SEMA3E: variants seen among roughly 807,000 people sequenced by gnomAD.
The protein encoded by SEMA3E is semaphorin-3E.
Under a neutral mutation model 93.6 loss-of-function variants are expected in SEMA3E, and 49 were observed. The ratio of observed to expected loss-of-function variants is 0.52; its 90% confidence interval spans 0.42 to 0.66. SEMA3E has a LOEUF of 0.66. SEMA3E is among the 30% of genes least tolerant of loss of function. SEMA3E has a pLI of 0.00. For synonymous variants in SEMA3E, 363 were observed against 330.7 expected (o/e 1.10, Z -1.06); for missense variants, 906 against 964.8 (o/e 0.94, Z 0.81).
At chr7:83,450,653 C>G (rs1338997163) in intron 4 of SEMA3E, among the ~76,000 whole-genome samples, 8 of 151,830 alleles carry the variant, frequency 5.3e-5, no homozygotes, top group Admixed American at 4.6e-4. Context: ...ATTTATTGAT[C>G]TAGATGCTGC....
chr7:83,408,374 A>G lies in SEMA3E; in HGVS notation c.664T>C (p.Leu222=). 1 of 1,613,762 alleles carries G rather than the reference A, an allele frequency of 6.2e-7. No individual in the cohort carries two copies. The highest frequency in any genetic ancestry group is 8.5e-7 in the Non-Finnish European group (1 of 1,179,818). Residue 222 remains leucine, a synonymous_variant, in exon 6 of 17, where the codon TTG becomes CTG. Coordinates refer to ENST00000643230, the MANE Select transcript of SEMA3E (RefSeq NM_012431.3). ...IRTEHDDERL[L]KEPKFVGSYM... ...CTCTTTTCCTCATCCTTACCTTTCA[A>G]CAGACGCTCATCGTCATGCTCAGTG...
At chr7:83,412,442 G>C (rs1788454882) in intron 5 of SEMA3E, among the ~76,000 whole-genome samples, 1 of 151,984 alleles carries the variant, frequency 6.6e-6, no homozygotes, top group African/African-American at 2.4e-5. Flanking sequence ...GTTATGAAAG[G>C]CTGTGAAGTG....
intron 2 of SEMA3E, among the ~76,000 whole-genome samples, chr7:83,475,100 T>C (rs1197756377): frequency 6.6e-6 from 1 of 151,808 alleles, no homozygotes; most frequent in African/African-American, 2.4e-5. Context: ...TAATCCCTCA[T>C]CCATAATTCA....
chr7:83,553,832 C>G (rs1178744340), intron 1 of SEMA3E, among the ~76,000 whole-genome samples: 2 of 152,054 alleles, frequency 1.3e-5, no homozygotes, highest in Admixed American at 1.3e-4. Flanking sequence ...AGCTATGTGT[C>G]TCTGTTAGGT....
chr7:83,634,395 C>T lies in SEMA3E; in HGVS notation c.115+14033G>A, dbSNP rs190961578. 9.1e-3 allele frequency among the ~76,000 whole-genome samples: 1,373 copies of T among 151,590 alleles called. 19 individuals carry two copies. Among genetic ancestry groups the T allele is most frequent in the Non-Finnish European group, 0.011 (756 of 67,876 alleles). ...TAGAGATAATTCAGTTTTTTTTCTC[C>T]AGATAGGAAAAATCCTTCTGCAATC... On this transcript the variant is annotated intron_variant, in intron 1 of 16. Transcript: ENST00000643230.
In SEMA3E at chr7:83,587,927, C is replaced by A. The variant is rs1444751864; in HGVS notation, c.115+60501G>T. ...AGGAATAAATTCTATATTTTTATAACCTTTTATACTTCAGTTATCACTAGA... is the reference window on the plus strand; with the variant it reads ...AGGAATAAATTCTATATTTTTATAAACTTTTATACTTCAGTTATCACTAGA... On this transcript the variant is annotated intron_variant, in intron 1 of 16. Transcript: ENST00000643230. Among the ~76,000 whole-genome samples, 3 of 151,762 alleles carry A rather than the reference C, an allele frequency of 2.0e-5. No individual in the cohort carries two copies. In the East Asian group the frequency reaches 5.8e-4, roughly 29 times the overall value.
At chr7:83,472,897 C>G (rs866255026) in intron 2 of SEMA3E, among the ~76,000 whole-genome samples, 3 of 152,146 alleles carry the variant, frequency 2.0e-5, no homozygotes, top group Non-Finnish European at 2.9e-5. Context: ...GGGCTGTTCC[C>G]CCTTGGCTTG....
rs1169195312 is a variant in SEMA3E, at chr7:83,408,412, A to T, written c.626T>A (p.Leu209Gln). ...DAAIFRSMGRLAHIRTEHDDE... is the reference protein window; with the variant it reads ...DAAIFRSMGRQAHIRTEHDDE... ...GTCATGCTCAGTGCGGATATGGGCC[A>T]GTCGCCCCATGCTGCGGAAGATCGC... Residue 209 changes from leucine to glutamine, a missense_variant, in exon 6 of 17, where the codon CTG becomes CAG. Coordinates refer to ENST00000643230, the MANE Select transcript of SEMA3E (RefSeq NM_012431.3). The T allele has an allele frequency of 4.3e-6, 7 of 1,613,830 alleles. No individual in the cohort carries two copies. Among genetic ancestry groups the T allele is most frequent in the Non-Finnish European group, 5.9e-6 (7 of 1,179,856 alleles).
chr7:83,577,270 A>G (rs937819385), intron 1 of SEMA3E, among the ~76,000 whole-genome samples: 2 of 152,240 alleles, frequency 1.3e-5, no homozygotes, highest in Non-Finnish European at 2.9e-5. Flanking sequence ...CCTTTTGTCC[A>G]AGGAGACCAA....
rs1413707505 is a variant in SEMA3E, at chr7:83,639,122, A to AC, written c.115+9305_115+9306insG. On this transcript the variant is annotated intron_variant, in intron 1 of 16. Coordinates refer to ENST00000643230, the MANE Select transcript of SEMA3E (RefSeq NM_012431.3). ...CGAGACTCCGTCTCAAAAAAAAAAAAAAAAAAAAAAAAAAAAAACAGAGAT... is the reference window on the plus strand; with the variant it reads ...CGAGACTCCGTCTCAAAAAAAAAAAACAAAAAAAAAAAAAAAAAACAGAGAT... Among the ~76,000 whole-genome samples the AC allele has an allele frequency of 2.0e-3, 279 of 138,138 alleles. 8 individuals carry two copies. Among genetic ancestry groups the AC allele is most frequent in the African/African-American group, 7.0e-3 (261 of 37,442 alleles). The allele number at this position is 138,138 out of a possible 152,430, so 90.6% of individuals were successfully genotyped here.
chr7:83,500,870 C>A (rs1790585134), intron 1 of SEMA3E, among the ~76,000 whole-genome samples: 1 of 152,124 alleles, frequency 6.6e-6, no homozygotes, highest in Admixed American at 6.5e-5. Flanking sequence ...GGAGTACAGG[C>A]ATGAGCCACC....
intron 1 of SEMA3E, among the ~76,000 whole-genome samples, chr7:83,504,062 G>A (rs17157672): frequency 0.043 from 6,583 of 152,066 alleles, 503 homozygotes; most frequent in African/African-American, 0.15. Context: ...AAAAACACAC[G>A]GTTTCCAGAT....
At chr7:83,472,728 A>G (rs764793819) in intron 2 of SEMA3E, among the ~76,000 whole-genome samples, 8 of 152,198 alleles carry the variant, frequency 5.3e-5, no homozygotes, top group Admixed American at 1.3e-4. Flanking sequence ...TGGTTAGGCT[A>G]TGTGTCCCCA....
chr7:83,386,466 T>A (rs1377867101), intron 15 of SEMA3E, among the ~76,000 whole-genome samples: 4 of 152,144 alleles, frequency 2.6e-5, no homozygotes, highest in African/African-American at 9.7e-5. Flanking sequence ...CCTCCATTCC[T>A]AACCCATCAG....
At chr7:83,448,352 C>CA (rs974961842) in intron 4 of SEMA3E, among the ~76,000 whole-genome samples, 2 of 151,804 alleles carry the variant, frequency 1.3e-5, no homozygotes, top group Admixed American at 6.6e-5. Context: ...TTCTTAAAAA[C>CA]AAAAAAAATT....
At chr7:83,621,913 A>T (rs956697657) in intron 1 of SEMA3E, among the ~76,000 whole-genome samples, 1 of 152,228 alleles carries the variant, frequency 6.6e-6, no homozygotes, top group Non-Finnish European at 1.5e-5. Flanking sequence ...AAACAATACC[A>T]TTCAGGATAT....
intron 1 of SEMA3E, among the ~76,000 whole-genome samples, chr7:83,623,120 A>G (rs545204152): frequency 2.2e-4 from 33 of 152,304 alleles, no homozygotes; most frequent in Non-Finnish European, 4.1e-4. Flanking sequence ...GGTTACCAAA[A>G]TATCTTCTCA....
chr7:83,446,249 C>T (rs993792700), intron 4 of SEMA3E, among the ~76,000 whole-genome samples: 4 of 152,088 alleles, frequency 2.6e-5, no homozygotes, highest in Non-Finnish European at 4.4e-5. Flanking sequence ...TTGGACAATG[C>T]CAAGAGTTAA....
chr7:83,519,818 C>A (rs1176128754), intron 1 of SEMA3E, among the ~76,000 whole-genome samples: 1 of 152,088 alleles, frequency 6.6e-6, no homozygotes, highest in East Asian at 1.9e-4. Flanking sequence ...GGATATGTAT[C>A]TTTCTTATCT....
Sources: allele counts gnomAD v4.1 joint callset (sites outside exome capture counted in the v4.1 genomes callset), GRCh38; gene constraint gnomAD v4.1.1; transcripts MANE v1.5; gene names NCBI Gene and HGNC (gene_info 2026-07-23, HGNC 2026-07-21).